Variants in CKAP5 observed in about 807,000 individuals in gnomAD.
The protein encoded by CKAP5 is cytoskeleton-associated protein 5.
A neutral mutation model predicts 232.8 loss-of-function variants in CKAP5; 27 were observed. That is an observed-to-expected ratio of 0.12 (90% CI 0.09 to 0.16). CKAP5 has a LOEUF of 0.16. Ranked by LOEUF, CKAP5 falls within the 10% of genes least tolerant of loss-of-function variation. The pLI, the probability that CKAP5 is intolerant of heterozygous loss-of-function variation, is 1.00. For missense variants in CKAP5, 1,838 were observed against 2,424.7 expected (o/e 0.76, Z 5.08); for synonymous variants, 785 against 841.1 (o/e 0.93, Z 1.16).
At chr11:46,766,643 C>A (rs1219630774) in intron 27 of CKAP5, among the ~76,000 whole-genome samples, 1 of 150,414 alleles carries the variant, frequency 6.6e-6, no homozygotes, top group Non-Finnish European at 1.5e-5. Flanking sequence ...GATTCATTAC[C>A]CATTGCACAG....
At chr11:46,796,093 AG>A (rs1938867223) in intron 12 of CKAP5, among the ~76,000 whole-genome samples, 1 of 151,408 alleles carries the variant, frequency 6.6e-6, no homozygotes, top group Admixed American at 6.6e-5. Context: ...TGAACTCAGA[AG>A]GCAGAGGTTG....
At chr11:46,752,193 TACACACACAC>T (rs1156472710) in intron 38 of CKAP5, among the ~76,000 whole-genome samples, 21 of 66,518 alleles carry the variant, frequency 3.2e-4, no homozygotes, top group African/African-American at 9.7e-4. Context: ...TATATATATA[TACACACACAC>T]ACACACACAC....
chr11:46,773,149 A>T (rs753184933), intron 24 of CKAP5, among the ~76,000 whole-genome samples: 4 of 152,164 alleles, frequency 2.6e-5, no homozygotes, highest in African/African-American at 4.8e-5. Flanking sequence ...TTAATCATGA[A>T]TGCATGTTGG....
At chr11:46,823,054 G>T (rs1939577484) in intron 1 of CKAP5, among the ~76,000 whole-genome samples, 1 of 151,994 alleles carries the variant, frequency 6.6e-6, no homozygotes, top group Non-Finnish European at 1.5e-5. Context: ...TCTGCCTCCT[G>T]GGCTCAAGCG....
In CKAP5 at chr11:46,816,188, A is replaced by T; in HGVS notation, c.458+10T>A. 1 of 1,608,298 alleles carries T rather than the reference A, an allele frequency of 6.2e-7. No homozygotes were observed. The highest frequency in any genetic ancestry group is 8.5e-7 in the Non-Finnish European group (1 of 1,175,628). On this transcript the variant is annotated intron_variant, in intron 4 of 43. Transcript: ENST00000529230. ...CTGCTCTAGTTAACAAAGCTAAAAC[A>T]AAGTCTTACCTTAAGGCTTTCCTCA... is the stretch of plus-strand genomic sequence containing the variant.
At position 46,755,457 on chromosome 11, in the gene CKAP5, T is replaced by G. The variant is rs180719866; in HGVS notation, c.4690-390A>C. Among the ~76,000 whole-genome samples, 419 of 151,962 alleles carry G rather than the reference T, an allele frequency of 2.8e-3. 2 individuals are homozygous for G. The highest frequency in any genetic ancestry group is 9.6e-3 in the African/African-American group (397 of 41,468). ...CTCTTGACCTCGTGATCCACCCACC[T>G]TGGCTTCCCAAAGTGCTGGGATTAC... On this transcript the variant is annotated intron_variant, in intron 35 of 43. Transcript: ENST00000529230.
intron 1 of CKAP5, among the ~76,000 whole-genome samples, chr11:46,824,184 A>T (rs1939603618): frequency 6.6e-6 from 1 of 152,228 alleles, no homozygotes; most frequent in Admixed American, 6.5e-5. Context: ...GCAAAGAAGA[A>T]AATGTCCCAG....
At chr11:46,779,486 G>A (rs1187338066) in intron 20 of CKAP5, among the ~76,000 whole-genome samples, 5 of 151,252 alleles carry the variant, frequency 3.3e-5, no homozygotes, top group Non-Finnish European at 5.9e-5. Flanking sequence ...GTGCATAAAA[G>A]CAAATACATA....
Position 46,762,031 on chromosome 11 carries a change from T to C in CKAP5, c.4190A>G (p.His1397Arg), listed in dbSNP as rs1376839000. 3.1e-6 allele frequency: 5 copies of C among 1,613,998 alleles called. No individual in the cohort carries two copies. The highest frequency in any genetic ancestry group is 4.2e-6 in the Non-Finnish European group (5 of 1,179,870). ...AATCAGTTTGAACACCTGATCCCCA[T>C]GTACATTGTACACCGTTACAATGGT... The part of the protein sequence containing the change: ...LNTIVTVYNV[H>R]GDQVFKLIGN... The change falls in exon 32 of 44, where the codon CAT becomes CGT. Residue 1397 changes from histidine (H) to arginine (R), a missense_variant. Around this residue, in one of 6 missense-constraint regions of CKAP5, gnomAD observed 579 missense variants for 843.2 expected, o/e 0.69. Transcript: ENST00000529230.
At chr11:46,841,160 CTCGGGAGGCTGAGGAAGGAGAA>C (rs1397063087) in intron 1 of CKAP5, among the ~76,000 whole-genome samples, 7 of 151,902 alleles carry the variant, frequency 4.6e-5, no homozygotes, top group Non-Finnish European at 7.4e-5. Context: ...ATCCCAGCTA[CTCGGGAGGCTGAGGAAGGAGAA>C]TCTCTTGAAC....
intron 1 of CKAP5, among the ~76,000 whole-genome samples, chr11:46,821,979 C>A (rs563653428): frequency 4.6e-5 from 7 of 152,178 alleles, no homozygotes; most frequent in African/African-American, 1.4e-4. Flanking sequence ...GAGGAGGTTG[C>A]AGTGAGCCAA....
intron 42 of CKAP5, among the ~76,000 whole-genome samples, chr11:46,749,541 G>C (rs1315904809): frequency 6.6e-6 from 1 of 151,956 alleles, no homozygotes; most frequent in East Asian, 1.9e-4. Flanking sequence ...TCAGGAAGGA[G>C]GTCTAAGCTG....
chr11:46,779,861 G>A (rs1565731456), intron 20 of CKAP5, among the ~76,000 whole-genome samples: 2 of 151,702 alleles, frequency 1.3e-5, no homozygotes, highest in Non-Finnish European at 2.9e-5. Flanking sequence ...GGCTCAGGGG[G>A]TCCTCCTGCC....
chr11:46,773,252 ATTT>A (rs879399924), intron 24 of CKAP5, among the ~76,000 whole-genome samples: 2 of 139,302 alleles, frequency 1.4e-5, no homozygotes, highest in African/African-American at 5.3e-5. Flanking sequence ...TGAATGTTCT[ATTT>A]TTTTTTTTTT....
In CKAP5 at chr11:46,751,178, G is replaced by C. The variant is rs1400163720; in HGVS notation, c.5400C>G (p.His1800Gln). ...LEAHLCRMMK[H>Q]SMDQTGSKSD... ...ACTTGCTCCCAGTCTGGTCCATACT[G>C]TGCTTCATCATCCGGCAGAGATGGG... Residue 1800 changes from histidine to glutamine, a missense_variant, in exon 40 of 44, where the codon CAC (histidine) becomes CAG (glutamine). By Grantham distance (24) the His-to-Gln change is conservative. Transcript: ENST00000529230. The C allele has an allele frequency of 2.7e-5, 44 of 1,613,994 alleles. 1 individual carries two copies. The Admixed American group carries it at 7.3e-4, about 27-fold the overall frequency.
At chr11:46,772,424 T>C (rs761795392) in intron 24 of CKAP5, among the ~76,000 whole-genome samples, 3 of 152,224 alleles carry the variant, frequency 2.0e-5, no homozygotes, top group Non-Finnish European at 4.4e-5. Flanking sequence ...TTAAAAGTTC[T>C]ATAGTTTTAT....
At chr11:46,769,399 C>A (rs1370060766) in intron 26 of CKAP5, among the ~76,000 whole-genome samples, 17 of 152,028 alleles carry the variant, frequency 1.1e-4, no homozygotes, top group Admixed American at 1.1e-3. Context: ...TGTACTATTC[C>A]AAAACTCCTT....
rs756210451 is a variant in CKAP5 at position 46,770,010 on chromosome 11, G to A, written c.3275C>T (p.Ser1092Phe). ...AKPAPPTKATSKPMGGSAPAK... is the reference protein window; with the variant it reads ...AKPAPPTKATFKPMGGSAPAK... ...TGGAGCGGACCCTCCCATTGGTTTA[G>A]AAGTTGCTTTAGTGGGTGGAGCAGG... The change falls in exon 26 of 44, where the codon TCT (serine) becomes TTT (phenylalanine). Residue 1092 changes from serine (S) to phenylalanine (F), a missense_variant. Around this residue, in one of 6 missense-constraint regions of CKAP5, gnomAD observed 767 missense variants for 954.6 expected, o/e 0.80. Transcript: ENST00000529230. 2 of 1,614,082 alleles carry A rather than the reference G, an allele frequency of 1.2e-6. No homozygotes were observed. The highest frequency in any genetic ancestry group is 1.3e-5 in the African/African-American group (1 of 74,946).
chr11:46,759,719 G>T (rs1475331173), intron 33 of CKAP5, among the ~76,000 whole-genome samples: 2 of 152,198 alleles, frequency 1.3e-5, no homozygotes, highest in African/African-American at 2.4e-5. Context: ...AACAAACCTT[G>T]TATTTCTATT....
Sources: allele counts gnomAD v4.1 joint callset (sites outside exome capture counted in the v4.1 genomes callset), GRCh38; gene constraint gnomAD v4.1.1; regional missense constraint gnomAD v4.1.1; transcripts MANE v1.5; gene names NCBI Gene and HGNC (gene_info 2026-07-23, HGNC 2026-07-21).